HDAC4: variants seen among roughly 807,000 people sequenced by gnomAD.
The protein encoded by HDAC4 is histone deacetylase A.
HDAC4 carries 16 observed loss-of-function variants against 135.1 expected under a neutral mutation model. The observed-to-expected ratio is 0.12, with a 90% confidence interval of 0.08 to 0.18. The LOEUF is 0.18. HDAC4 is among the 10% of genes least tolerant of loss of function. HDAC4 has a pLI of 1.00. For missense variants in HDAC4, 1,143 were observed against 1,511.8 expected (o/e 0.76, Z 4.05); for synonymous variants, 685 against 653.4 (o/e 1.05, Z -0.74).
At chr2:239,152,134 A>T (rs894298687) in intron 7 of HDAC4, among the ~76,000 whole-genome samples, 2 of 152,242 alleles carry the variant, frequency 1.3e-5, no homozygotes, top group African/African-American at 4.8e-5. Context: ...ATCCCTCAAC[A>T]TCATCAAAAT....
chr2:239,109,794 T>C lies in HDAC4; in HGVS notation c.1979-1611A>G, dbSNP rs1042886388. Among the ~76,000 whole-genome samples, 63 of 152,200 alleles carry C rather than the reference T, an allele frequency of 4.1e-4. 1 individual carries two copies. The highest frequency in any genetic ancestry group is 1.6e-4 in the Non-Finnish European group (11 of 68,036). On this transcript the variant is annotated intron_variant, in intron 14 of 26. Transcript: ENST00000543185. ...TAAGTGTGTGTGCAGAAACAACCAG[T>C]TGCTCACGGATACAAGGAATGGGGA...
chr2:239,120,836 G>T lies in HDAC4; in HGVS notation c.1534-5526C>A, dbSNP rs534040917. Among the ~76,000 whole-genome samples the T allele has an allele frequency of 5.9e-5, 9 of 152,102 alleles. No homozygotes were observed. In the East Asian group the frequency reaches 1.7e-3, roughly 29 times the overall value. ...GGGTGGGGTGGAGGACAAGGCAGCT[G>T]AGGGTGGAGGGGAGGGGTTCCTGCA... On this transcript the variant is annotated intron_variant, in intron 12 of 26. Coordinates refer to ENST00000543185, the MANE Select transcript of HDAC4 (RefSeq NM_001378414.1).
At chr2:239,336,647 C>G (rs1424769883) in intron 2 of HDAC4, among the ~76,000 whole-genome samples, 1 of 152,168 alleles carries the variant, frequency 6.6e-6, no homozygotes, top group Non-Finnish European at 1.5e-5. Flanking sequence ...ACTCAAAATT[C>G]TTGACATATT....
Position 239,190,141 on chromosome 2 carries a change from C to T in HDAC4, c.95-64G>A. 5 of 1,554,114 alleles carry T rather than the reference C, an allele frequency of 3.2e-6. No homozygotes were observed. In the South Asian group the frequency reaches 3.6e-5, roughly 11 times the overall value. On this transcript the variant is annotated intron_variant, in intron 3 of 26. Coordinates refer to ENST00000543185, the MANE Select transcript of HDAC4 (RefSeq NM_001378414.1). ...CCTTTGCTGTCCCTGGGCCCCAGAG[C>T]CCCCACCCAACACACTGGCCACCTT...
chr2:239,302,738 G>A (rs1180813599), intron 2 of HDAC4, among the ~76,000 whole-genome samples: 3 of 152,236 alleles, frequency 2.0e-5, no homozygotes, highest in African/African-American at 2.4e-5. Context: ...CACGCAGAGC[G>A]TTTCGTGGGC....
rs570831551 is a variant in HDAC4, at chr2:239,066,980, C to T, written c.2870-125G>A. 1.4e-4 allele frequency: 170 copies of T among 1,203,756 alleles called. 1 individual carries two copies. In the African/African-American group the frequency reaches 1.9e-3, roughly 14 times the overall value. The allele number at this position is 1,203,756 out of a possible 1,614,324, so 74.6% of individuals were successfully genotyped here. A position where few individuals can be genotyped will look rare whatever the true frequency, so the allele number is the denominator to read the frequency against. ...GGGGTGTCGAGACACATGGCCAGGC[C>T]GGGTTTCGTTTAATAAATTCGCTGA... On this transcript the variant is annotated intron_variant, in intron 23 of 26. Transcript: ENST00000543185.
intron 7 of HDAC4, 29 bp downstream of exon 7, chr2:239,156,623 C>T (rs201704606): frequency 4.8e-5 from 78 of 1,613,958 alleles, no homozygotes; most frequent in Non-Finnish European, 3.1e-5. Flanking sequence ...CAGGAGACCT[C>T]CCGGCCCACA....
At chr2:239,208,080 T>C (rs1488381646) in intron 3 of HDAC4, among the ~76,000 whole-genome samples, 4 of 151,572 alleles carry the variant, frequency 2.6e-5, no homozygotes, top group Non-Finnish European at 5.9e-5. Context: ...CCCAGCACTT[T>C]GGGAGGCTGA....
chr2:239,094,164 C>T (rs1219262706), intron 17 of HDAC4: 7 of 985,314 alleles, frequency 7.1e-6, no homozygotes, highest in East Asian at 1.1e-4. Context: ...TGTGGTGATT[C>T]GCGGCACTGC....
At chr2:239,184,057 G>T (rs900729456) in intron 4 of HDAC4, among the ~76,000 whole-genome samples, 1 of 106,398 alleles carries the variant, frequency 9.4e-6, no homozygotes, top group Non-Finnish European at 1.7e-5. Context: ...AAAGAGGCCA[G>T]CCTTGCTAGT....
At position 239,378,640 on chromosome 2, in the gene HDAC4, AACCCCGGGAACCAATG is replaced by A. The variant is rs1559396117; in HGVS notation, c.-220+22322_-220+22337del. On this transcript the variant is annotated intron_variant, in intron 1 of 26. Coordinates refer to ENST00000543185, the MANE Select transcript of HDAC4 (RefSeq NM_001378414.1). ...GGAACCAAGAACCCCGGGAACCAAG[AACCCCGGGAACCAATG>A]ACCCCGGGAACCAATGACCCCGGGA... Among the ~76,000 whole-genome samples the A allele has an allele frequency of 1.9e-4, 29 of 151,896 alleles. No homozygotes were observed. The South Asian group carries it at 2.5e-3, about 13-fold the overall frequency.
chr2:239,188,340 A>C (rs2044686922), intron 4 of HDAC4, among the ~76,000 whole-genome samples: 1 of 152,234 alleles, frequency 6.6e-6, no homozygotes, highest in African/African-American at 2.4e-5. Context: ...GACACTGAAC[A>C]AAGTGTCTTA....
At chr2:239,300,918 G>A (rs2052213863) in intron 2 of HDAC4, among the ~76,000 whole-genome samples, 3 of 152,230 alleles carry the variant, frequency 2.0e-5, no homozygotes, top group Admixed American at 6.5e-5. Context: ...GAACGTCTTC[G>A]GGGTCCATGT....
chr2:239,220,994 A>ACC (rs1559244488), intron 3 of HDAC4, among the ~76,000 whole-genome samples: 2 of 152,088 alleles, frequency 1.3e-5, no homozygotes, highest in African/African-American at 2.4e-5. Flanking sequence ...GTACTCCCTC[A>ACC]CCACGAAGAC....
rs973334746 is a variant in HDAC4, at chr2:239,240,926, C to T, written c.23-4262G>A. Among the ~76,000 whole-genome samples, 5 of 151,664 alleles carry T rather than the reference C, an allele frequency of 3.3e-5. No individual in the cohort carries two copies. The highest frequency in any genetic ancestry group is 9.8e-5 in the African/African-American group (4 of 40,936). On this transcript the variant is annotated intron_variant, in intron 2 of 26. Coordinates refer to ENST00000543185, the MANE Select transcript of HDAC4 (RefSeq NM_001378414.1). This position sits in a 1 kb window ranked among gnomAD's most constrained non-coding sequence, Gnocchi z 4.5. ...TTTTCAGAATCCACCTTGCATCAGACGGGTAGGTATGTCTAACCAGAAACC... is the reference window on the plus strand; with the variant it reads ...TTTTCAGAATCCACCTTGCATCAGATGGGTAGGTATGTCTAACCAGAAACC...
intron 4 of HDAC4, among the ~76,000 whole-genome samples, chr2:239,189,312 T>G (rs950784413): frequency 1.3e-5 from 2 of 152,228 alleles, no homozygotes; most frequent in Non-Finnish European, 2.9e-5. Context: ...TTTTAAAATC[T>G]GGTATCAGAT....
chr2:239,106,910 C>A (rs1575049804), intron 15 of HDAC4, among the ~76,000 whole-genome samples: 2 of 152,132 alleles, frequency 1.3e-5, no homozygotes, highest in African/African-American at 4.8e-5. Flanking sequence ...ATGTTCCTGT[C>A]CACCCTGTGC....
intron 11 of HDAC4, among the ~76,000 whole-genome samples, chr2:239,129,203 T>A (rs1270469459): frequency 6.6e-6 from 1 of 152,154 alleles, no homozygotes; most frequent in Non-Finnish European, 1.5e-5. Flanking sequence ...AGGGCCGCCA[T>A]ACACAGGGAC....
intron 2 of HDAC4, among the ~76,000 whole-genome samples, chr2:239,248,640 C>T (rs571884339): frequency 6.6e-5 from 10 of 152,184 alleles, no homozygotes; most frequent in Non-Finnish European, 1.5e-4. Flanking sequence ...CAGGAGCTGA[C>T]GATGGTCAGG....
Sources: gnomAD v4.1 joint callset for allele counts (sites outside exome capture counted in the v4.1 genomes callset) on GRCh38, gnomAD v4.1.1 for gene constraint, Gnocchi (gnomAD v3.1) non-coding constraint, MANE v1.5 for transcripts, NCBI Gene and HGNC (gene_info 2026-07-23, HGNC 2026-07-21) for gene names.